GMFB: variants seen among roughly 807,000 people sequenced by gnomAD.
GMFB encodes the protein glia maturation factor beta.
GMFB carries 13 observed loss-of-function variants against 25.6 expected under a neutral mutation model. The observed-to-expected ratio is 0.51, with a 90% CI of 0.33 to 0.81. GMFB has a LOEUF of 0.81. Ranked by LOEUF, GMFB falls within the 30% of genes least tolerant of loss-of-function variation. The probability of loss-of-function intolerance (pLI) is 0.02; values close to 1 mark genes in which losing one functional copy is unlikely to be tolerated. For synonymous variants in GMFB, 57 were observed against 56.9 expected (o/e 1.00, Z 0.00); for missense variants, 146 against 175.4 (o/e 0.83, Z 0.95).
chr14:54,488,003 CAA>C (rs1246349475), intron 1 of GMFB, among the ~76,000 whole-genome samples: 2 of 152,120 alleles, frequency 1.3e-5, no homozygotes, highest in African/African-American at 2.4e-5. Flanking sequence ...GCTTCAAAAA[CAA>C]GAGAGTATAA....
At chr14:54,487,153 T>C (rs1194348025) in intron 1 of GMFB, among the ~76,000 whole-genome samples, 1 of 152,196 alleles carries the variant, frequency 6.6e-6, no homozygotes, top group African/African-American at 2.4e-5. Flanking sequence ...CTCAACACTT[T>C]GGGAGGCCGG....
intron 2 of GMFB, 124 bp downstream of exon 2, chr14:54,483,546 TG>T: frequency 1.6e-6 from 1 of 627,520 alleles, no homozygotes; most frequent in Non-Finnish European, 2.9e-6. Flanking sequence ...GATCTAAAGG[TG>T]GTGGTGGGGA....
At chr14:54,486,018 G>C (rs548514566) in intron 1 of GMFB, among the ~76,000 whole-genome samples, 1 of 152,268 alleles carries the variant, frequency 6.6e-6, no homozygotes, top group Non-Finnish European at 1.5e-5. Flanking sequence ...TTGGGAGGCC[G>C]AGGCGGGCGG....
At chr14:54,486,543 T>C (rs1431695236) in intron 1 of GMFB, among the ~76,000 whole-genome samples, 2 of 152,152 alleles carry the variant, frequency 1.3e-5, no homozygotes, top group South Asian at 2.1e-4. Context: ...GGAGAAAATA[T>C]CTGCAAATTC....
intron 1 of GMFB, 49 bp downstream of exon 1, chr14:54,488,876 G>GGCCGGCTC (rs1422193935): frequency 6.6e-7 from 1 of 1,524,254 alleles, no homozygotes; most frequent in Non-Finnish European, 8.8e-7. Context: ...AAACCCGGCT[G>GGCCGGCTC]GCCGGCTCGC....
rs1036472512 is a variant in GMFB at position 54,475,622 on chromosome 14, A to G, written c.*2466T>C. 1.3e-5 allele frequency: 2 copies of G among 152,540 alleles called. No homozygotes were observed. Among genetic ancestry groups the G allele is most frequent in the African/African-American group, 4.8e-5 (2 of 41,442 alleles). The allele number at this position is 152,540 out of a possible 1,614,324, so 9.4% of individuals were successfully genotyped here. ...GACATTTTGGAATTTCAGCATAGTA[A>G]CCTGAGAAGTTTTCTTCGTATGTAT... On this transcript the variant is annotated 3_prime_UTR_variant, in exon 7 of 7. Coordinates refer to ENST00000358056, the MANE Select transcript of GMFB (RefSeq NM_004124.3).
At chr14:54,488,336 G>A (rs935783753) in intron 1 of GMFB, among the ~76,000 whole-genome samples, 10 of 152,236 alleles carry the variant, frequency 6.6e-5, no homozygotes, top group African/African-American at 2.2e-4. Context: ...AAGGCCCAGT[G>A]CCAAAGCTTT....
chr14:54,488,905 C>G lies in GMFB; in HGVS notation c.3+20G>C. On this transcript the variant is annotated intron_variant, in intron 1 of 6. Coordinates refer to ENST00000358056, the MANE Select transcript of GMFB (RefSeq NM_004124.3). Reference sequence around the variant, plus strand: ...GGCTCGCCCAGCCCTCCGGCCCCCGCCCTCCCAGCGGCAACTCACCATTTT... The same window carrying G: ...GGCTCGCCCAGCCCTCCGGCCCCCGGCCTCCCAGCGGCAACTCACCATTTT... The G allele has an allele frequency of 1.3e-6, 2 of 1,559,066 alleles. No individual in the cohort carries two copies. Among genetic ancestry groups the G allele is most frequent in the South Asian group, 1.2e-5 (1 of 85,674 alleles).
intron 5 of GMFB, 133 bp downstream of exon 5, chr14:54,480,741 C>T (rs751675078): frequency 5.0e-6 from 3 of 605,384 alleles, no homozygotes; most frequent in Non-Finnish European, 8.8e-6. Context: ...CATGGACACA[C>T]ATAGACACAG....
At chr14:54,485,067 C>T (rs2031764324) in intron 1 of GMFB, among the ~76,000 whole-genome samples, 1 of 151,886 alleles carries the variant, frequency 6.6e-6, no homozygotes, top group South Asian at 2.1e-4. Context: ...CAGCTGACAG[C>T]ATACTAAATG....
rs1286938070 is a variant in GMFB at position 54,475,537 on chromosome 14, AC to A, written c.*2550del. 1 of 152,560 alleles carries A rather than the reference AC, an allele frequency of 6.6e-6. No homozygotes were observed. The highest frequency in any genetic ancestry group is 1.5e-5 in the Non-Finnish European group (1 of 67,958). 9.5% of individuals were successfully genotyped at this position (152,560 alleles called of 1,614,324 possible). On this transcript the variant is annotated 3_prime_UTR_variant, in exon 7 of 7. Transcript: ENST00000358056. ...TCAATTAAACAAAAACAGTCAACCA[AC>A]TTTTTTCCTAATATAATTGCGTCAA...
rs777291558 is a variant in GMFB, at chr14:54,483,987, T to C, written c.4-220A>G. On this transcript the variant is annotated intron_variant, in intron 1 of 6. Coordinates refer to ENST00000358056, the MANE Select transcript of GMFB (RefSeq NM_004124.3). ...ATTTGTTCATCTCATATATGTAAGG[T>C]ATATTTTAACTTTCTCTTTGGCTAA... 88 of 643,320 alleles carry C rather than the reference T, an allele frequency of 1.4e-4. 1 individual carries two copies. The East Asian group carries it at 2.7e-3, about 20-fold the overall frequency. 39.9% of individuals were successfully genotyped at this position (643,320 alleles called of 1,614,324 possible).
rs760043845 is a variant in GMFB at position 54,479,941 on chromosome 14, G to C, written c.284-82C>G. The C allele has an allele frequency of 6.2e-6, 5 of 811,806 alleles. No homozygotes were observed. The East Asian group carries it at 7.8e-5, about 13-fold the overall frequency. 50.3% of individuals were successfully genotyped at this position (811,806 alleles called of 1,614,324 possible). A position where few individuals can be genotyped will look rare whatever the true frequency, so the allele number is the denominator to read the frequency against. On this transcript the variant is annotated intron_variant, in intron 5 of 6. Coordinates refer to ENST00000358056, the MANE Select transcript of GMFB (RefSeq NM_004124.3). ...TATCATTATTTTTATTTTTTAAAAT[G>C]ACACATTTAGGATTTCCTTTGCTAT...
In GMFB at chr14:54,475,896, T is replaced by C. The variant is rs1421669395; in HGVS notation, c.*2192A>G. 2 of 152,122 alleles carry C rather than the reference T, an allele frequency of 1.3e-5. No homozygotes were observed. Among genetic ancestry groups the C allele is most frequent in the Non-Finnish European group, 2.9e-5 (2 of 67,946 alleles). 9.4% of individuals were successfully genotyped at this position (152,122 alleles called of 1,614,324 possible). ...ACTGGAATTATGAAATCTGGAGTTA[T>C]TATTTGGGAAATGGCAGAAAAAAAG... On this transcript the variant is annotated 3_prime_UTR_variant, in exon 7 of 7. Transcript: ENST00000358056.
chr14:54,480,947 C>A lies in GMFB; in HGVS notation c.210G>T (p.Val70=), dbSNP rs891876023. The change falls in exon 5 of 7, where the codon GTG becomes GTT. Residue 70 remains valine (V), a synonymous_variant. Coordinates refer to ENST00000358056, the MANE Select transcript of GMFB (RefSeq NM_004124.3). ...CATCATGTTGATATTTATAACTATA[C>A]ACAATGAAGGTTTTTCTCAAGTTAA... ...ELPERQPRFI[V]YSYKYQHDDG... 6.7e-7 allele frequency: 1 copy of A among 1,483,298 alleles called. No homozygotes were observed. The allele number at this position is 1,483,298 out of a possible 1,614,324, so 91.9% of individuals were successfully genotyped here.
chr14:54,483,873 G>A (rs2031746839), intron 1 of GMFB, 106 bp from the exon 2 acceptor site: 2 of 734,554 alleles, frequency 2.7e-6, no homozygotes, highest in African/African-American at 3.4e-5. Context: ...ATTCACAAAT[G>A]TCAATTAAGT....
At chr14:54,486,558 C>G (rs542542296) in intron 1 of GMFB, among the ~76,000 whole-genome samples, 21 of 152,236 alleles carry the variant, frequency 1.4e-4, no homozygotes, top group African/African-American at 4.8e-4. Flanking sequence ...AAATTCTCCA[C>G]TCAACAAAGG....
chr14:54,486,322 T>TTA (rs1390313882), intron 1 of GMFB, among the ~76,000 whole-genome samples: 2 of 152,044 alleles, frequency 1.3e-5, no homozygotes, highest in Non-Finnish European at 2.9e-5. Flanking sequence ...TCAAAATGGA[T>TTA]TAAAGACTTA....
chr14:54,483,515 C>A, intron 2 of GMFB, 156 bp downstream of exon 2: 1 of 603,196 alleles, frequency 1.7e-6, no homozygotes, highest in Non-Finnish European at 3.0e-6. Context: ...TTAGAATTAG[C>A]TGTTACTTAT....
Sources: allele counts gnomAD v4.1 joint callset (sites outside exome capture counted in the v4.1 genomes callset), GRCh38; gene constraint gnomAD v4.1.1; transcripts MANE v1.5; gene names NCBI Gene and HGNC (gene_info 2026-07-23, HGNC 2026-07-21).